The following NBEA variants were observed in gnomAD, a reference collection of about 807,000 sequenced individuals.
NBEA encodes lysosomal-trafficking regulator 2.
Under a neutral mutation model 343.4 loss-of-function variants are expected in NBEA, and 44 were observed. That is an observed-to-expected ratio of 0.13 (90% confidence interval 0.10 to 0.16). NBEA has a LOEUF of 0.16. Ranked by LOEUF, NBEA falls within the 10% of genes least tolerant of loss-of-function variation. NBEA has a pLI of 1.00. For missense variants in NBEA, 2,555 were observed against 3,631.3 expected (o/e 0.70, Z 7.62); for synonymous variants, 1,175 against 1,238.7 (o/e 0.95, Z 1.08).
intron 38 of NBEA, among the ~76,000 whole-genome samples, chr13:35,422,619 G>C (rs2044368384): frequency 6.6e-6 from 1 of 152,172 alleles, no homozygotes; most frequent in Non-Finnish European, 1.5e-5. Context: ...ATGTGTGCAT[G>C]TGTCTTTATA....
chr13:35,049,198 T>C, intron 5 of NBEA, among the ~76,000 whole-genome samples: 1 of 151,790 alleles, frequency 6.6e-6, no homozygotes, highest in East Asian at 1.9e-4. Flanking sequence ...GTTGAAAGCT[T>C]GATAATTTTA....
At chr13:35,179,460 T>C (rs2071152560) in intron 28 of NBEA, among the ~76,000 whole-genome samples, 1 of 151,274 alleles carries the variant, frequency 6.6e-6, no homozygotes, top group South Asian at 2.1e-4. Flanking sequence ...GTTTAGCCTC[T>C]ATGTATACTG....
intron 36 of NBEA, among the ~76,000 whole-genome samples, chr13:35,335,190 A>G (rs2039174410): frequency 2.0e-5 from 3 of 152,022 alleles, no homozygotes; most frequent in Admixed American, 2.0e-4. Flanking sequence ...ATTCTGTTTC[A>G]TTGCTCTATG....
intron 34 of NBEA, among the ~76,000 whole-genome samples, chr13:35,278,869 TTTGCTACATACAA>T (rs2034835250): frequency 1.3e-5 from 2 of 152,192 alleles, no homozygotes; most frequent in African/African-American, 4.8e-5. Context: ...TAACATGGAA[TTTGCTACATACAA>T]TATGTAAAAG....
intron 47 of NBEA, among the ~76,000 whole-genome samples, chr13:35,603,254 A>G (rs1236365285): frequency 2.0e-5 from 3 of 152,206 alleles, no homozygotes; most frequent in African/African-American, 7.2e-5. Flanking sequence ...ATAGCTTAAT[A>G]TTTAATGAGC....
At chr13:35,290,107 A>T (rs1314238449) in intron 34 of NBEA, among the ~76,000 whole-genome samples, 1 of 151,704 alleles carries the variant, frequency 6.6e-6, no homozygotes, top group East Asian at 1.9e-4. Context: ...TCAACCAAAT[A>T]AACAACCAAA....
chr13:35,221,979 C>T (rs1406872655), intron 33 of NBEA, among the ~76,000 whole-genome samples: 1 of 152,106 alleles, frequency 6.6e-6, no homozygotes, highest in African/African-American at 2.4e-5. Flanking sequence ...CTCTCCATTT[C>T]CCTCAGAGAA....
At chr13:35,048,441 G>A (rs1365402905) in intron 4 of NBEA, 122 bp from the exon 5 acceptor site, 35 of 860,084 alleles carry the variant, frequency 4.1e-5, no homozygotes, top group Non-Finnish European at 5.5e-5. Flanking sequence ...TTATGGATTT[G>A]TTTGTGATTT....
At chr13:35,081,920 CTT>C (rs764768103) in intron 10 of NBEA, among the ~76,000 whole-genome samples, 93 of 151,028 alleles carry the variant, frequency 6.2e-4, no homozygotes, top group Admixed American at 1.4e-3. Context: ...ATTTTGGTAA[CTT>C]TTTTTTTATT....
At chr13:35,528,526 G>A (rs2078094795) in intron 41 of NBEA, among the ~76,000 whole-genome samples, 3 of 152,154 alleles carry the variant, frequency 2.0e-5, no homozygotes, top group Admixed American at 2.0e-4. Flanking sequence ...TTTAAAACAA[G>A]GTTGACAGGA....
intron 41 of NBEA, among the ~76,000 whole-genome samples, chr13:35,506,556 A>T (rs968475738): frequency 1.3e-5 from 2 of 152,170 alleles, no homozygotes; most frequent in African/African-American, 4.8e-5. Flanking sequence ...GCTATAGTTA[A>T]AACAGCCCAG....
In NBEA at chr13:35,324,337, G is replaced by A. The variant is rs185416343; in HGVS notation, c.5903+14745G>A. 8.5e-4 allele frequency among the ~76,000 whole-genome samples: 129 copies of A among 152,198 alleles called. 1 individual carries two copies. Among genetic ancestry groups the A allele is most frequent in the Non-Finnish European group, 1.4e-3 (93 of 68,008 alleles). On this transcript the variant is annotated intron_variant, in intron 36 of 58. Coordinates refer to ENST00000379939, the MANE Select transcript of NBEA (RefSeq NM_001385012.1). ...ACATGGACTGATTAGTTCATATGTT[G>A]GTAAAATAAGAACACGTAACTGATT...
intron 57 of NBEA, 73 bp downstream of exon 57, chr13:35,667,643 A>G: frequency 7.5e-7 from 1 of 1,326,656 alleles, no homozygotes; most frequent in Non-Finnish European, 1.1e-6. Flanking sequence ...ACATTAAATA[A>G]TTCATAATAG....
At chr13:35,462,972 A>C (rs1295317848) in intron 40 of NBEA, among the ~76,000 whole-genome samples, 1 of 152,192 alleles carries the variant, frequency 6.6e-6, no homozygotes, top group Non-Finnish European at 1.5e-5. Flanking sequence ...GGGCCTCCAA[A>C]ATTTTCAAAA....
chr13:35,016,621 CAT>C (rs1445995410), intron 1 of NBEA, among the ~76,000 whole-genome samples: 2 of 132,496 alleles, frequency 1.5e-5, no homozygotes, highest in East Asian at 2.3e-4. Flanking sequence ...CACACACACA[CAT>C]TTATTTATTT....
Position 35,235,918 on chromosome 13 carries a change from G to A in NBEA, c.5776+3299G>A, listed in dbSNP as rs560494974. Among the ~76,000 whole-genome samples the A allele has an allele frequency of 4.8e-3, 729 of 152,108 alleles. 8 individuals carry two copies. Among genetic ancestry groups the A allele is most frequent in the African/African-American group, 0.017 (705 of 41,484 alleles). ...TAACTATGCTAGAAATGAAATACTG[G>A]AACGGGTTAGATATTAAAAAGTTCA... On this transcript the variant is annotated intron_variant, in intron 34 of 58. Coordinates refer to ENST00000379939, the MANE Select transcript of NBEA (RefSeq NM_001385012.1).
chr13:35,583,101 C>T (rs1408949383), intron 45 of NBEA, among the ~76,000 whole-genome samples: 1 of 152,138 alleles, frequency 6.6e-6, no homozygotes, highest in Non-Finnish European at 1.5e-5. Context: ...AATCCAAAAT[C>T]AGACAAAAAC....
rs2076880917 is a variant in NBEA, at chr13:35,501,370, T to C, written c.6585+28834T>C. 8.5e-5 allele frequency among the ~76,000 whole-genome samples: 13 copies of C among 152,172 alleles called. 1 individual carries two copies. On this transcript the variant is annotated intron_variant, in intron 41 of 58. Transcript: ENST00000379939. Reference sequence around the variant, plus strand: ...CTATTGTGAGCCACTGTTGTTGCTTTCTGATAACATAGATTTTCAATTAAA... The same window carrying C: ...CTATTGTGAGCCACTGTTGTTGCTTCCTGATAACATAGATTTTCAATTAAA...
At chr13:35,651,358 G>A (rs961522255) in intron 52 of NBEA, among the ~76,000 whole-genome samples, 3 of 151,258 alleles carry the variant, frequency 2.0e-5, no homozygotes, top group Admixed American at 6.6e-5. Flanking sequence ...CCAGGTGAGC[G>A]CAGGCTCATA....
Sources: gnomAD v4.1 joint callset for allele counts (sites outside exome capture counted in the v4.1 genomes callset) on GRCh38, gnomAD v4.1.1 for gene constraint, MANE v1.5 for transcripts, NCBI Gene and HGNC (gene_info 2026-07-23, HGNC 2026-07-21) for gene names.